HK1: variants seen among roughly 807,000 people sequenced by gnomAD.
HK1 encodes the protein hexokinase-1.
HK1 carries 28 observed loss-of-function variants against 91.6 expected under a neutral mutation model. The observed-to-expected ratio is 0.31, with a 90% confidence interval of 0.23 to 0.42. The LOEUF is 0.42. HK1 is among the 10% of genes least tolerant of loss of function. HK1 has a pLI of 1.00. For missense variants in HK1, 770 were observed against 1,219.8 expected, an observed-to-expected ratio of 0.63 and a Z score of 5.49; for synonymous variants, 430 against 468.1, an observed-to-expected ratio of 0.92 and a Z score of 1.05.
intron 1 of HK1, among the ~76,000 whole-genome samples, chr10:69,325,044 ATTTTTTTTTTTTTTT>A (rs1046990181): frequency 1.1e-5 from 1 of 93,904 alleles, no homozygotes; most frequent in South Asian, 3.3e-4. Flanking sequence ...AAAAATGTGT[ATTTTTTTTTTTTTTT>A]TTTTTTTTTG....
chr10:69,384,608 A>G (rs1031219323), intron 11 of HK1, 127 bp downstream of exon 11: 3 of 1,447,432 alleles, frequency 2.1e-6, no homozygotes, highest in African/African-American at 1.4e-5. Context: ...CAGAAGCACC[A>G]GATGCTTTTT....
intron 4 of HK1, 40 bp from the exon 5 acceptor site, chr10:69,368,496 C>A: frequency 6.4e-7 from 1 of 1,571,940 alleles, no homozygotes; most frequent in Non-Finnish European, 8.8e-7. Flanking sequence ...TGCTGGAGGC[C>A]TCCCAGCCCT....
At chr10:69,292,227 C>T (rs1421769680) in intron 3 of HK1, 9 of 328,084 alleles carry the variant, frequency 2.7e-5, no homozygotes, top group African/African-American at 4.4e-5. Context: ...TGTGCCCCCA[C>T]AACCAGCCAG....
intron 3 of HK1, among the ~76,000 whole-genome samples, chr10:69,363,698 G>A (rs142992500): frequency 1.4e-4 from 21 of 152,274 alleles, no homozygotes; most frequent in African/African-American, 4.3e-4. Flanking sequence ...TTTTAGAGAT[G>A]AAGGGAATTA....
intron 1 of HK1, among the ~76,000 whole-genome samples, chr10:69,280,889 C>T (rs1269413422): frequency 1.3e-5 from 2 of 152,158 alleles, no homozygotes; most frequent in African/African-American, 4.8e-5. Flanking sequence ...AAATAATATG[C>T]TTTTACCTTC....
At chr10:69,297,904 A>T (rs1202421033) in intron 4 of HK1, among the ~76,000 whole-genome samples, 1 of 148,362 alleles carries the variant, frequency 6.7e-6, no homozygotes, top group Non-Finnish European at 1.5e-5. Flanking sequence ...TCAAAAAAAA[A>T]AAAAGAAAAA....
intron 2 of HK1, among the ~76,000 whole-genome samples, chr10:69,344,318 G>A (rs1253842032): frequency 1.3e-5 from 2 of 152,178 alleles, no homozygotes; most frequent in Non-Finnish European, 2.9e-5. Flanking sequence ...TATGGGTCTC[G>A]CAGATACTGT....
chr10:69,318,826 G>T (rs1173990647), upstream of HK1: 1 of 1,438,526 alleles, frequency 7.0e-7, no homozygotes. Flanking sequence ...GGCCGAGGGG[G>T]AGGAGCCGGG....
At chr10:69,368,364 G>C (rs146650277) in intron 4 of HK1, among the ~76,000 whole-genome samples, 172 bp from the exon 5 acceptor site, 1 of 152,350 alleles carries the variant, frequency 6.6e-6, no homozygotes, top group Non-Finnish European at 1.5e-5. Flanking sequence ...TTGTGTGGAT[G>C]ATCGGGAGAT....
chr10:69,362,522 G>A (rs1249053550), intron 3 of HK1, among the ~76,000 whole-genome samples: 2 of 151,454 alleles, frequency 1.3e-5, no homozygotes, highest in East Asian at 1.9e-4. Flanking sequence ...ACATAGTCTA[G>A]CCTGGGGCGG....
chr10:69,345,701 C>T (rs531159819), intron 2 of HK1, among the ~76,000 whole-genome samples: 1 of 152,062 alleles, frequency 6.6e-6, no homozygotes, highest in African/African-American at 2.4e-5. Context: ...TGCCTCCTAC[C>T]CACTGGGCCC....
Position 69,359,994 on chromosome 10 carries a change from G to A in HK1, c.324G>A (p.Glu108=). 2.5e-6 allele frequency: 4 copies of A among 1,614,216 alleles called. No individual in the cohort carries two copies. The highest frequency in any genetic ancestry group is 3.4e-6 in the Non-Finnish European group (4 of 1,180,016). The change falls in exon 3 of 18, where the codon GAG becomes GAA. Residue 108 remains glutamate (E), a synonymous_variant. Coordinates refer to ENST00000359426, the MANE Select transcript of HK1 (RefSeq NM_000188.3). ...AGAAAAACCAGAATGTTCACATGGA[G>A]TCCGAGGTTTATGACACCCCAGAGA... ...NHEKNQNVHM[E]SEVYDTPENI...
At chr10:69,394,825 G>T in intron 15 of HK1, 125 bp from the exon 16 acceptor site, 1 of 925,986 alleles carries the variant, frequency 1.1e-6, no homozygotes, top group Non-Finnish European at 1.8e-6. Context: ...GCACAGGGCT[G>T]GGCACATGGC....
At chr10:69,388,186 A>C (rs757298737) in intron 13 of HK1, among the ~76,000 whole-genome samples, 9 of 152,168 alleles carry the variant, frequency 5.9e-5, no homozygotes, top group Non-Finnish European at 8.8e-5. Context: ...TAGCCAAGGC[A>C]GGAGGAACTT....
upstream of HK1, among the ~76,000 whole-genome samples, chr10:69,313,812 ATTTC>A (rs1346052335): frequency 6.6e-6 from 1 of 152,088 alleles, no homozygotes; most frequent in Non-Finnish European, 1.5e-5. Flanking sequence ...TTAAAGTGAA[ATTTC>A]TTAATTTTTT....
At position 69,398,709 on chromosome 10, in the gene HK1, C is replaced by T. The variant is rs776166764; in HGVS notation, c.2490C>T (p.Ala830=). Residue 830 remains alanine (A), a synonymous_variant, in exon 17 of 18, where the codon GCC becomes GCT. Transcript: ENST00000359426. ...TGTGCGGGGTGGTGTCCAGGAGGGC[C>T]GCACAGCTGTGTGGCGCAGGCATGG... ...KTVCGVVSRR[A]AQLCGAGMAA... The T allele has an allele frequency of 8.7e-6, 14 of 1,614,070 alleles. No individual in the cohort carries two copies. The highest frequency in any genetic ancestry group is 3.3e-5 in the South Asian group (3 of 91,090).
In HK1 at chr10:69,382,615, A is replaced by G; in HGVS notation, c.1394A>G (p.Glu465Gly). The stretch of plus-strand genomic sequence containing the variant: ...ACGGCGGTGGCCTACCGCTTGGCCG[A>G]GCAGCACCGGCAGATAGAGGAGACC... Reference protein sequence around the residue: ...MVTAVAYRLAEQHRQIEETLA... With the variant: ...MVTAVAYRLAGQHRQIEETLA... Residue 465 changes from glutamate (E) to glycine (G), a missense_variant, in exon 10 of 18, where the codon GAG becomes GGG. Coordinates refer to ENST00000359426, the MANE Select transcript of HK1 (RefSeq NM_000188.3). 1 of 1,614,190 alleles carries G rather than the reference A, an allele frequency of 6.2e-7. No individual in the cohort carries two copies. The highest frequency in any genetic ancestry group is 8.5e-7 in the Non-Finnish European group (1 of 1,180,038).
chr10:69,336,774 G>C (rs1169972906), intron 1 of HK1, among the ~76,000 whole-genome samples: 2 of 151,576 alleles, frequency 1.3e-5, no homozygotes, highest in African/African-American at 4.9e-5. Context: ...CAAGTAGCTG[G>C]GATTACAGGC....
chr10:69,362,013 C>G (rs1027577487), intron 3 of HK1, among the ~76,000 whole-genome samples: 2 of 152,152 alleles, frequency 1.3e-5, no homozygotes. Flanking sequence ...GATGGGGTTT[C>G]TCCATGTTGG....
Sources: allele counts gnomAD v4.1 joint callset (sites outside exome capture counted in the v4.1 genomes callset), GRCh38; gene constraint gnomAD v4.1.1; transcripts MANE v1.5; gene names NCBI Gene and HGNC (gene_info 2026-07-23, HGNC 2026-07-21).